SLC45A4: variants seen among roughly 807,000 people sequenced by gnomAD.
SLC45A4 encodes polyamine-transporter SLC45A4.
SLC45A4 carries 32 observed loss-of-function variants against 63.7 expected under a neutral mutation model. The ratio of observed to expected loss-of-function variants is 0.50; its 90% CI spans 0.38 to 0.67. The LOEUF (loss-of-function observed/expected upper bound fraction) is 0.67, where lower values mean the gene tolerates loss of function less well. Ranked by LOEUF, SLC45A4 falls within the 30% of genes least tolerant of loss-of-function variation. SLC45A4 has a pLI of 0.00. For synonymous variants in SLC45A4, 535 were observed against 510.0 expected, an observed-to-expected ratio of 1.05 and a Z score of -0.66; for missense variants, 1,027 against 1,157.7, an observed-to-expected ratio of 0.89 and a Z score of 1.64.
Position 141,303,286 on chromosome 8 carries a change from C to T in SLC45A4, c.-401+4810G>A, listed in dbSNP as rs1041321864. 5.3e-5 allele frequency among the ~76,000 whole-genome samples: 8 copies of T among 150,256 alleles called. No individual in the cohort carries two copies. In the East Asian group the frequency reaches 5.9e-4, roughly 11 times the overall value. Reference sequence around the variant, plus strand: ...TGCTGGGACTATAGGCACGTGCCATCGTGCCCGGCTAATTTTTGTTTTTTT... The same window carrying T: ...TGCTGGGACTATAGGCACGTGCCATTGTGCCCGGCTAATTTTTGTTTTTTT... On this transcript the variant is annotated intron_variant, in intron 1 of 8. Transcript: ENST00000517878.
chr8:141,306,578 G>A (rs1830904096), intron 1 of SLC45A4, among the ~76,000 whole-genome samples: 1 of 152,216 alleles, frequency 6.6e-6, no homozygotes, highest in South Asian at 2.1e-4. Context: ...GACAGTGTGT[G>A]TTACCTGCTC....
In SLC45A4 at chr8:141,278,530, G is replaced by A. The variant is rs1829819125; in HGVS notation, c.-400-23901C>T. ...GGCGGGGCGGGCGGCCGACCCACGA[G>A]GACACTGGTGAGACAGGGGTGAGCA... is the stretch of plus-strand genomic sequence containing the variant. On this transcript the variant is annotated intron_variant, in intron 1 of 8. Coordinates refer to ENST00000517878, the MANE Select transcript of SLC45A4 (RefSeq NM_001286646.2). The surrounding 1 kb of genome is among the most constrained non-coding windows in gnomAD (Gnocchi z 4.1). 1.3e-5 allele frequency among the ~76,000 whole-genome samples: 2 copies of A among 151,916 alleles called. No individual in the cohort carries two copies. Among genetic ancestry groups the A allele is most frequent in the East Asian group, 1.9e-4 (1 of 5,196 alleles).
chr8:141,211,939 T>TA (rs202129180), intron 8 of SLC45A4: 21 of 1,264,276 alleles, frequency 1.7e-5, no homozygotes, highest in South Asian at 9.5e-5. Flanking sequence ...CTTTTTCAAT[T>TA]AAAAAAAATA....
At chr8:141,277,930 T>TA in intron 1 of SLC45A4, among the ~76,000 whole-genome samples, 1 of 152,288 alleles carries the variant, frequency 6.6e-6, no homozygotes, top group Admixed American at 6.5e-5. Context: ...TTTTAAGAGA[T>TA]AAGGTCTCAC....
intron 1 of SLC45A4, among the ~76,000 whole-genome samples, chr8:141,297,282 G>A (rs1049319547): frequency 1.4e-4 from 22 of 152,022 alleles, no homozygotes; most frequent in African/African-American, 5.1e-4. Context: ...GGTGGGCGCC[G>A]GGCACTCTGC....
At chr8:141,285,986 T>TG (rs1365405267) in intron 1 of SLC45A4, among the ~76,000 whole-genome samples, 2 of 152,166 alleles carry the variant, frequency 1.3e-5, no homozygotes, top group Admixed American at 6.5e-5. Flanking sequence ...TGCGGTTGCC[T>TG]GGGGTGGGGG....
chr8:141,266,278 A>G (rs1829261714), intron 1 of SLC45A4, among the ~76,000 whole-genome samples: 1 of 152,100 alleles, frequency 6.6e-6, no homozygotes, highest in Non-Finnish European at 1.5e-5. Flanking sequence ...GCCTGACACC[A>G]TGGGCTGCAG....
chr8:141,237,966 G>A (rs1173959127), intron 2 of SLC45A4, among the ~76,000 whole-genome samples: 3 of 152,246 alleles, frequency 2.0e-5, no homozygotes, highest in Non-Finnish European at 4.4e-5. Flanking sequence ...GATCTGAAAT[G>A]CAAGGAAATC....
intron 7 of SLC45A4, among the ~76,000 whole-genome samples, chr8:141,213,796 A>G (rs1157018182): frequency 2.6e-5 from 4 of 152,260 alleles, no homozygotes; most frequent in Non-Finnish European, 4.4e-5. Context: ...ACACGGGAGG[A>G]AAAAGGTGTT....
intron 1 of SLC45A4, among the ~76,000 whole-genome samples, chr8:141,302,556 T>C (rs1399481037): frequency 2.6e-5 from 4 of 152,220 alleles, no homozygotes; most frequent in African/African-American, 9.7e-5. Flanking sequence ...GGTCTCGAAC[T>C]CCTGACGTCA....
Position 141,218,695 on chromosome 8 carries a change from G to A in SLC45A4, c.945C>T (p.Asp315=), listed in dbSNP as rs1826370028. The A allele has an allele frequency of 6.2e-6, 10 of 1,612,742 alleles. No individual in the cohort carries two copies. The highest frequency in any genetic ancestry group is 7.6e-6 in the Non-Finnish European group (9 of 1,179,416). ...SKSDSALHVP[D]TALDLEPELL... ...GCTCGGGCTCCAGGTCCAGCGCGGT[G>A]TCCGGCACGTGCAATGCCGAGTCGC... The change falls in exon 5 of 9, where the codon GAC becomes GAT. Residue 315 remains aspartate (D), a synonymous_variant. Coordinates refer to ENST00000517878, the MANE Select transcript of SLC45A4 (RefSeq NM_001286646.2).
chr8:141,215,974 CAG>C lies in SLC45A4; in HGVS notation c.1730-6_1730-5del. On this transcript the variant is annotated splice_polypyrimidine_tract_variant and splice_region_variant and intron_variant, in intron 6 of 8. Coordinates refer to ENST00000517878, the MANE Select transcript of SLC45A4 (RefSeq NM_001286646.2). This position sits in a 1 kb window ranked among gnomAD's most constrained non-coding sequence, Gnocchi z 4.3. ...TCCAAGTACTTCTGTAACAGGGCTG[CAG>C]AGAGGGGCACAGGGACAAGGACAGT... The C allele has an allele frequency of 3.7e-6, 6 of 1,612,090 alleles. No homozygotes were observed. The highest frequency in any genetic ancestry group is 5.1e-6 in the Non-Finnish European group (6 of 1,179,436).
rs1236356419 is a variant in SLC45A4, at chr8:141,218,455, G to A, written c.1185C>T (p.Leu395=). The A allele has an allele frequency of 9.9e-6, 16 of 1,612,870 alleles. No homozygotes were observed. Among genetic ancestry groups the A allele is most frequent in the South Asian group, 2.2e-5 (2 of 91,088 alleles). ...TCGTGTCCACCCTGGTGTAGCCGCC[G>A]AGGGCGTCTTTTGTGGGGGAGCCAC... ...NGSGSPTKDA[L]GGYTRVDTKP... is the part of the protein sequence containing the mutation. The change falls in exon 5 of 9, where the codon CTC becomes CTT. Residue 395 remains leucine, a synonymous_variant. Coordinates refer to ENST00000517878, the MANE Select transcript of SLC45A4 (RefSeq NM_001286646.2).
Position 141,207,785 on chromosome 8 carries a change from G to A in SLC45A4, c.*3787C>T, listed in dbSNP as rs1825596296. The A allele has an allele frequency of 2.0e-5, 3 of 152,422 alleles. No homozygotes were observed. The highest frequency in any genetic ancestry group is 2.9e-5 in the Non-Finnish European group (2 of 68,194). The allele number at this position is 152,422 out of a possible 1,614,324, so 9.4% of individuals were successfully genotyped here. Reference sequence around the variant, plus strand: ...GAGGGGCTGGCCAAGGGGCCACCTTGAGCTCTGGCCGGAGGGTGATGGCTG... The same window carrying A: ...GAGGGGCTGGCCAAGGGGCCACCTTAAGCTCTGGCCGGAGGGTGATGGCTG... On this transcript the variant is annotated 3_prime_UTR_variant, in exon 9 of 9. Coordinates refer to ENST00000517878, the MANE Select transcript of SLC45A4 (RefSeq NM_001286646.2).
rs1000975749 is a variant in SLC45A4, at chr8:141,253,912, C to G, written c.241+77G>C. ...CTCCAGGACGCACCATCCTCTGCCTCCAGAGGATCAGAGCCACGCCCAGTC... is the reference window on the plus strand; with the variant it reads ...CTCCAGGACGCACCATCCTCTGCCTGCAGAGGATCAGAGCCACGCCCAGTC... On this transcript the variant is annotated intron_variant, in intron 2 of 8. Coordinates refer to ENST00000517878, the MANE Select transcript of SLC45A4 (RefSeq NM_001286646.2). The G allele has an allele frequency of 4.6e-6, 7 of 1,509,742 alleles. No homozygotes were observed. The Admixed American group carries it at 6.0e-5, about 13-fold the overall frequency. The allele number at this position is 1,509,742 out of a possible 1,614,324, so 93.5% of individuals were successfully genotyped here. A position where few individuals can be genotyped will look rare whatever the true frequency, so the allele number is the denominator to read the frequency against.
rs1826349394 is a variant in SLC45A4, at chr8:141,218,552, A to G, written c.1088T>C (p.Leu363Pro). ...CTCGTCCTCCTTGGCGGCTTCCTTG[A>G]GGAAGGTGGCCAGGCGGGGCAGCTT... ...KTKLPRLATF[L>P]KEAAKEDETL... Residue 363 changes from leucine to proline, a missense_variant, in exon 5 of 9, where the codon CTC becomes CCC. Leu to Pro is a moderately conservative substitution (Grantham distance 98). Coordinates refer to ENST00000517878, the MANE Select transcript of SLC45A4 (RefSeq NM_001286646.2). 1 of 1,613,412 alleles carries G rather than the reference A, an allele frequency of 6.2e-7. No individual in the cohort carries two copies. Among genetic ancestry groups the G allele is most frequent in the Non-Finnish European group, 8.5e-7 (1 of 1,179,944 alleles).
At chr8:141,220,943 G>A (rs1041001444) in intron 3 of SLC45A4, among the ~76,000 whole-genome samples, 1 of 152,230 alleles carries the variant, frequency 6.6e-6, no homozygotes, top group Admixed American at 6.5e-5. Context: ...GCCTGTTGGC[G>A]ACGAAGCCCA....
intron 2 of SLC45A4, among the ~76,000 whole-genome samples, chr8:141,240,042 G>A (rs1346159335): frequency 6.6e-6 from 1 of 152,210 alleles, no homozygotes; most frequent in African/African-American, 2.4e-5. Flanking sequence ...CGTATCCTAG[G>A]AATCTCGATT....
At chr8:141,216,240 TCC>T (rs903107406) in intron 6 of SLC45A4, among the ~76,000 whole-genome samples, 1 of 152,122 alleles carries the variant, frequency 6.6e-6, no homozygotes, top group Non-Finnish European at 1.5e-5. Flanking sequence ...TTCCTGCAGC[TCC>T]CAGGGGCCCC....
Sources: allele counts gnomAD v4.1 joint callset (sites outside exome capture counted in the v4.1 genomes callset), GRCh38; gene constraint gnomAD v4.1.1; non-coding constraint Gnocchi (gnomAD v3.1); transcripts MANE v1.5; gene names NCBI Gene and HGNC (gene_info 2026-07-23, HGNC 2026-07-21).